Variants in MGAT5B observed in about 807,000 individuals in gnomAD.
MGAT5B encodes alpha-1,6-mannosylglycoprotein 6-beta-N-acetylglucosaminyltransferase B.
Under a neutral mutation model 95.1 loss-of-function variants are expected in MGAT5B, and 54 were observed. The observed-to-expected ratio is 0.57, with a 90% CI of 0.46 to 0.71. The LOEUF is 0.71. Ranked by LOEUF, MGAT5B falls within the 30% of genes least tolerant of loss-of-function variation. The pLI is 0.00. For missense variants in MGAT5B, 935 were observed against 1,088.6 expected (o/e 0.86, Z 1.99); for synonymous variants, 464 against 451.0 (o/e 1.03, Z -0.36).
chr17:76,895,403 T>C (rs754029594), intron 3 of MGAT5B, among the ~76,000 whole-genome samples: 4 of 152,156 alleles, frequency 2.6e-5, no homozygotes, highest in Non-Finnish European at 5.9e-5. Context: ...CCCCTCTCCC[T>C]GGGTCCATGG....
intron 15 of MGAT5B, among the ~76,000 whole-genome samples, chr17:76,945,549 A>G (rs1970004777): frequency 6.6e-6 from 1 of 152,150 alleles, no homozygotes; most frequent in Non-Finnish European, 1.5e-5. Context: ...TCGGCCTCCC[A>G]AAGTGCTGGG....
chr17:76,882,551 G>A, intron 3 of MGAT5B: 1 of 408,180 alleles, frequency 2.4e-6, no homozygotes, highest in Middle Eastern at 6.4e-4. Context: ...CTTCTCCCTA[G>A]AGACAAGTGC....
At position 76,933,830 on chromosome 17, in the gene MGAT5B, C is replaced by T. The variant is rs1353416758; in HGVS notation, c.1428+533C>T. On this transcript the variant is annotated intron_variant, in intron 12 of 17. Transcript: ENST00000569840. ...TCAGAGGTCGGGAGGGCTGGTGTGGCGTTCCCCGGGGTCTTCTTACCTTGA... is the reference window on the plus strand; with the variant it reads ...TCAGAGGTCGGGAGGGCTGGTGTGGTGTTCCCCGGGGTCTTCTTACCTTGA... Among the ~76,000 whole-genome samples, 6 of 152,284 alleles carry T rather than the reference C, an allele frequency of 3.9e-5. No individual in the cohort carries two copies. In the South Asian group the frequency reaches 8.3e-4, roughly 21 times the overall value.
At chr17:76,895,050 G>T (rs1458138974) in intron 3 of MGAT5B, among the ~76,000 whole-genome samples, 1 of 152,084 alleles carries the variant, frequency 6.6e-6, no homozygotes, top group African/African-American at 2.4e-5. Context: ...AGCAAGTGAG[G>T]CTTCGTCCGT....
In MGAT5B at chr17:76,904,388, C is replaced by T. The variant is rs778961529; in HGVS notation, c.656C>T (p.Ala219Val). The part of the protein sequence containing the change: ...PPLPWRNQTA[A>V]QRAPKPLPKV... ...CTGCCCTGGAGGAACCAGACGGCTG[C>T]CCAGAGGGCACCCAAGCCCCTCCCC... The change falls in exon 6 of 18, where the codon GCC becomes GTC. Residue 219 changes from alanine (A) to valine (V), a missense_variant. Coordinates refer to ENST00000569840, the MANE Select transcript of MGAT5B (RefSeq NM_001199172.2). 5 of 1,569,212 alleles carry T rather than the reference C, an allele frequency of 3.2e-6. No individual in the cohort carries two copies. Among genetic ancestry groups the T allele is most frequent in the Non-Finnish European group, 4.3e-6 (5 of 1,157,536 alleles).
At chr17:76,936,285 G>A (rs1048933292) in intron 12 of MGAT5B, among the ~76,000 whole-genome samples, 10 of 152,130 alleles carry the variant, frequency 6.6e-5, no homozygotes, top group Non-Finnish European at 1.2e-4. Flanking sequence ...GCGTGCGCCC[G>A]TAGTCCCAGC....
Position 76,949,040 on chromosome 17 carries a change from C to G in MGAT5B, c.*202C>G. The stretch of plus-strand genomic sequence containing the variant: ...AGCATGCCGAGCCCCTGGGACCTCC[C>G]AGGCAGGCTCCGGTTCTCTCCTGGG... On this transcript the variant is annotated 3_prime_UTR_variant, in exon 18 of 18. Coordinates refer to ENST00000569840, the MANE Select transcript of MGAT5B (RefSeq NM_001199172.2). 1.6e-6 allele frequency: 1 copy of G among 634,930 alleles called. No homozygotes were observed. The highest frequency in any genetic ancestry group is 2.6e-6 in the Non-Finnish European group (1 of 380,234). 39.3% of individuals were successfully genotyped at this position (634,930 alleles called of 1,614,324 possible).
At chr17:76,925,689 C>T (rs1025070320) in intron 9 of MGAT5B, among the ~76,000 whole-genome samples, 1 of 152,168 alleles carries the variant, frequency 6.6e-6, no homozygotes, top group Non-Finnish European at 1.5e-5. Context: ...ATTATTAATG[C>T]GAGTTCTCTA....
intron 8 of MGAT5B, chr17:76,913,898 T>A (rs1014160034): frequency 6.0e-5 from 25 of 417,180 alleles, no homozygotes; most frequent in African/African-American, 5.1e-4. Context: ...ATTGCTTGAT[T>A]CCAGGAGTTG....
chr17:76,879,906 C>G (rs1967344410), intron 2 of MGAT5B, among the ~76,000 whole-genome samples: 1 of 152,218 alleles, frequency 6.6e-6, no homozygotes, highest in Non-Finnish European at 1.5e-5. Flanking sequence ...GATGGCTCAC[C>G]AGGGCTGCCC....
At position 76,905,936 on chromosome 17, in the gene MGAT5B, G is replaced by C. The variant is rs1968508676; in HGVS notation, c.856-82G>C. On this transcript the variant is annotated intron_variant, in intron 7 of 17. Transcript: ENST00000569840. This position sits in a 1 kb window ranked among gnomAD's most constrained non-coding sequence, Gnocchi z 4.2. ...CTGGAGACAGGGTCTGCTGCCGGCT[G>C]GTCTCCTGGCCGGTGCCCCGGGGGG... 1 of 1,440,212 alleles carries C rather than the reference G, an allele frequency of 6.9e-7. No homozygotes were observed. The highest frequency in any genetic ancestry group is 2.5e-5 in the East Asian group (1 of 39,306). 89.2% of individuals were successfully genotyped at this position (1,440,212 alleles called of 1,614,324 possible).
At chr17:76,911,858 A>G (rs1968748122) in intron 8 of MGAT5B, among the ~76,000 whole-genome samples, 2 of 152,234 alleles carry the variant, frequency 1.3e-5, no homozygotes, top group African/African-American at 2.4e-5. Flanking sequence ...GCAGGAATGC[A>G]TGAACTGAAT....
intron 12 of MGAT5B, among the ~76,000 whole-genome samples, chr17:76,936,472 G>A (rs1033980688): frequency 6.6e-6 from 1 of 152,118 alleles, no homozygotes; most frequent in African/African-American, 2.4e-5. Flanking sequence ...GAAGTCCAGT[G>A]TTTTCTTTTA....
chr17:76,877,365 G>A (rs775035696), intron 2 of MGAT5B, among the ~76,000 whole-genome samples: 29 of 151,548 alleles, frequency 1.9e-4, no homozygotes, highest in Non-Finnish European at 3.4e-4. Context: ...GTGGTAGGAG[G>A]CTATCTTTTG....
chr17:76,932,640 T>C lies in MGAT5B; in HGVS notation c.1292-5T>C, dbSNP rs1378110007. The C allele has an allele frequency of 1.2e-6, 2 of 1,613,344 alleles. No individual in the cohort carries two copies. The highest frequency in any genetic ancestry group is 1.7e-6 in the Non-Finnish European group (2 of 1,179,592). On this transcript the variant is annotated splice_region_variant and splice_polypyrimidine_tract_variant and intron_variant, in intron 10 of 17. Transcript: ENST00000569840. ...CCCCATTCCTTCTGCGTGCTCGGGC[T>C]GCAGCTCATACCCCCGACAACTCCT...
At chr17:76,881,783 C>T (rs2145133505) in intron 2 of MGAT5B, among the ~76,000 whole-genome samples, 1 of 152,350 alleles carries the variant, frequency 6.6e-6, no homozygotes, top group South Asian at 2.1e-4. Context: ...TGGGCCTTTT[C>T]TGCCATCTCA....
At chr17:76,943,624 G>T (rs75186947) in intron 15 of MGAT5B, among the ~76,000 whole-genome samples, 25,046 of 103,598 alleles carry the variant, frequency 0.24, 2,469 homozygotes, top group Admixed American at 0.33. Flanking sequence ...GGGGTGGGGT[G>T]GGGGGGGGGT....
chr17:76,881,169 A>G (rs1303528472), intron 2 of MGAT5B, among the ~76,000 whole-genome samples: 1 of 152,340 alleles, frequency 6.6e-6, no homozygotes, highest in African/African-American at 2.4e-5. Flanking sequence ...TCGCTCCCGC[A>G]CACTGGCACG....
intron 12 of MGAT5B, among the ~76,000 whole-genome samples, chr17:76,937,251 A>G (rs1215351912): frequency 6.6e-6 from 1 of 152,192 alleles, no homozygotes; most frequent in Non-Finnish European, 1.5e-5. Context: ...CTGAGTTCTA[A>G]TTCCAAATAT....
Sources: allele counts gnomAD v4.1 joint callset (sites outside exome capture counted in the v4.1 genomes callset), GRCh38; gene constraint gnomAD v4.1.1; non-coding constraint Gnocchi (gnomAD v3.1); transcripts MANE v1.5; gene names NCBI Gene and HGNC (gene_info 2026-07-23, HGNC 2026-07-21).